CNGA1: variants seen among roughly 807,000 people sequenced by gnomAD.
CNGA1 encodes cyclic nucleotide gated channel subunit alpha 1, also known as cyclic nucleotide-gated channel alpha-1.
In CNGA1, 53 loss-of-function variants were observed where a neutral mutation model predicts 69.7. The observed-to-expected ratio is 0.76, with a 90% CI of 0.61 to 0.96. CNGA1 has a LOEUF of 0.96. Among genes scored for constraint, CNGA1 ranks in the 40% least tolerant of loss-of-function variants. The pLI, the probability that CNGA1 is intolerant of heterozygous loss-of-function variation, is 0.00. For synonymous variants in CNGA1, 249 were observed against 283.5 expected (o/e 0.88, Z 1.22); for missense variants, 739 against 811.2 (o/e 0.91, Z 1.08).
Position 48,016,513 on chromosome 4 carries a change from G to C in CNGA1, c.-253C>G, listed in dbSNP as rs1320464690. The C allele has an allele frequency of 7.6e-6, 3 of 395,914 alleles. No individual in the cohort carries two copies. Among genetic ancestry groups the C allele is most frequent in the Non-Finnish European group, 1.4e-5 (3 of 222,058 alleles). The allele number at this position is 395,914 out of a possible 1,614,324, so 24.5% of individuals were successfully genotyped here. A position where few individuals can be genotyped will look rare whatever the true frequency, so the allele number is the denominator to read the frequency against. On this transcript the variant is annotated 5_prime_UTR_variant, in exon 1 of 11. Coordinates refer to ENST00000514170, the MANE Select transcript of CNGA1 (RefSeq NM_001379270.1). ...CGGGCTCCACGCTCCGAGAGACGCT[G>C]TTGCTCTATGAGGCGTGTCTGTGTT...
chr4:47,972,131 G>A (rs1189911040), intron 3 of CNGA1, among the ~76,000 whole-genome samples: 3 of 152,050 alleles, frequency 2.0e-5, no homozygotes, highest in Non-Finnish European at 4.4e-5. Context: ...TGCAACTTGT[G>A]CTTTTTTCAC....
chr4:48,000,055 A>G (rs1432078048), intron 2 of CNGA1, among the ~76,000 whole-genome samples: 1 of 152,172 alleles, frequency 6.6e-6, no homozygotes, highest in Non-Finnish European at 1.5e-5. Context: ...ATGTCTGTTC[A>G]GTAGAATAGA....
At chr4:47,973,355 C>T (rs1029812704) in intron 3 of CNGA1, among the ~76,000 whole-genome samples, 1 of 152,056 alleles carries the variant, frequency 6.6e-6, no homozygotes. Context: ...GGATTACAGG[C>T]GTGAACCACC....
chr4:47,978,527 T>A (rs932162328), intron 3 of CNGA1, among the ~76,000 whole-genome samples: 5 of 152,162 alleles, frequency 3.3e-5, no homozygotes, highest in Admixed American at 2.6e-4. Context: ...AAACTACTTA[T>A]ATATTTATTT....
chr4:47,943,976 T>C (rs965398948), intron 6 of CNGA1, among the ~76,000 whole-genome samples: 1 of 152,220 alleles, frequency 6.6e-6, no homozygotes, highest in African/African-American at 2.4e-5. Context: ...GGAGACTGTG[T>C]AACTAGTGCC....
intron 3 of CNGA1, among the ~76,000 whole-genome samples, chr4:47,973,131 T>C (rs1017481159): frequency 7.0e-6 from 1 of 142,268 alleles, no homozygotes; most frequent in Admixed American, 7.7e-5. Flanking sequence ...GCAGTAGCAC[T>C]ATCTCAGCTC....
chr4:47,956,777 G>A (rs1740116258), intron 3 of CNGA1, among the ~76,000 whole-genome samples: 1 of 152,088 alleles, frequency 6.6e-6, no homozygotes, highest in African/African-American at 2.4e-5. Flanking sequence ...GTGATAGAGA[G>A]GAGAAAAGCA....
At chr4:47,994,466 GTTTGT>G (rs1278389236) in intron 2 of CNGA1, among the ~76,000 whole-genome samples, 1 of 152,076 alleles carries the variant, frequency 6.6e-6, no homozygotes, top group Non-Finnish European at 1.5e-5. Flanking sequence ...TTGCTTTAAA[GTTTGT>G]TTTATCTGAT....
At chr4:47,980,477 T>A (rs149552145) in intron 3 of CNGA1, among the ~76,000 whole-genome samples, 2 of 128,758 alleles carry the variant, frequency 1.6e-5, no homozygotes, top group African/African-American at 5.4e-5. Context: ...TCTTTCTTTT[T>A]TTTTTTTTTT....
At chr4:48,011,260 A>G (rs1266335509) in intron 1 of CNGA1, among the ~76,000 whole-genome samples, 11 of 151,796 alleles carry the variant, frequency 7.2e-5, no homozygotes, top group Admixed American at 5.9e-4. Context: ...CAGTTGCAAT[A>G]GATATTAATG....
At position 47,937,304 on chromosome 4, in the gene CNGA1, C is replaced by A. The variant is rs770901877; in HGVS notation, c.1178G>T (p.Gly393Val). Reference protein sequence around the residue: ...LIFATIVGNIGSMISNMNAAR... With the variant: ...LIFATIVGNIVSMISNMNAAR... The stretch of plus-strand genomic sequence containing the variant: ...TGCATTCATGTTGGAAATCATAGAA[C>A]CTATGTTACCAACGATGGTAGCAAA... Residue 393 changes from glycine (G) to valine (V), a missense_variant, in exon 11 of 11, where the codon GGT becomes GTT. Transcript: ENST00000514170. 1 of 1,613,988 alleles carries A rather than the reference C, an allele frequency of 6.2e-7. No homozygotes were observed. Among genetic ancestry groups the A allele is most frequent in the Non-Finnish European group, 8.5e-7 (1 of 1,180,026 alleles).
At chr4:47,950,898 C>A (rs1739697334) in intron 5 of CNGA1, among the ~76,000 whole-genome samples, 1 of 152,134 alleles carries the variant, frequency 6.6e-6, no homozygotes, top group Non-Finnish European at 1.5e-5. Context: ...TAACAGCCAA[C>A]CCTCTCACAT....
intron 2 of CNGA1, among the ~76,000 whole-genome samples, chr4:48,008,504 G>A (rs919606655): frequency 2.6e-5 from 4 of 151,986 alleles, no homozygotes. Flanking sequence ...TTTCTAGAAA[G>A]AATGTTTTCC....
chr4:47,944,068 T>C (rs1460398947), intron 6 of CNGA1, among the ~76,000 whole-genome samples: 1 of 152,204 alleles, frequency 6.6e-6, no homozygotes, highest in Non-Finnish European at 1.5e-5. Flanking sequence ...AGGCTGCCAT[T>C]GTCAGCTCAG....
At chr4:47,976,417 T>C (rs1424055922) in intron 3 of CNGA1, among the ~76,000 whole-genome samples, 1 of 150,016 alleles carries the variant, frequency 6.7e-6, no homozygotes, top group Non-Finnish European at 1.5e-5. Context: ...GTAAGCTTCT[T>C]AAGGTCAAGA....
chr4:47,982,606 C>T (rs1741769371), intron 2 of CNGA1, among the ~76,000 whole-genome samples: 1 of 152,006 alleles, frequency 6.6e-6, no homozygotes, highest in Non-Finnish European at 1.5e-5. Flanking sequence ...TTTCCTTATA[C>T]CTACCATTAT....
intron 6 of CNGA1, among the ~76,000 whole-genome samples, chr4:47,944,432 A>G (rs909990951): frequency 6.6e-6 from 1 of 152,230 alleles, no homozygotes; most frequent in African/African-American, 2.4e-5. Flanking sequence ...GTACACTTCT[A>G]TTCAAGATTT....
At chr4:47,999,847 T>C (rs1714583415) in intron 2 of CNGA1, among the ~76,000 whole-genome samples, 1 of 152,142 alleles carries the variant, frequency 6.6e-6, no homozygotes, top group East Asian at 1.9e-4. Flanking sequence ...CTCTCCAGCC[T>C]GGTGACAGAG....
chr4:47,995,554 CA>C (rs1300102812), intron 2 of CNGA1, among the ~76,000 whole-genome samples: 4 of 49,704 alleles, frequency 8.0e-5, no homozygotes, highest in African/African-American at 2.0e-4. Context: ...CTTCTTGTAT[CA>C]TTTTTTTTTA....
Sources: allele counts gnomAD v4.1 joint callset (sites outside exome capture counted in the v4.1 genomes callset), GRCh38; gene constraint gnomAD v4.1.1; transcripts MANE v1.5; gene names NCBI Gene and HGNC (gene_info 2026-07-23, HGNC 2026-07-21).